GLIS3: variants seen among roughly 807,000 people sequenced by gnomAD.
The protein encoded by GLIS3 is zinc finger protein GLIS3.
In GLIS3, 53 loss-of-function variants were observed where a neutral mutation model predicts 78.6. The observed-to-expected ratio is 0.67, with a 90% CI of 0.54 to 0.85. The LOEUF is 0.85. Ranked by LOEUF, GLIS3 falls within the 40% of genes least tolerant of loss-of-function variation. GLIS3 has a pLI of 0.00. For missense variants in GLIS3, 1,703 were observed against 1,231.1 expected, an observed-to-expected ratio of 1.38 and a Z score of -5.74; for synonymous variants, 684 against 509.9, an observed-to-expected ratio of 1.34 and a Z score of -4.60.
intron 2 of GLIS3, among the ~76,000 whole-genome samples, chr9:4,139,277 G>A (rs545812036): frequency 2.0e-4 from 30 of 152,290 alleles, no homozygotes; most frequent in African/African-American, 6.5e-4. Context: ...CTCACTGTAC[G>A]GAGCAATGAC....
chr9:4,196,476 A>G (rs938995950), intron 2 of GLIS3, among the ~76,000 whole-genome samples: 7 of 152,222 alleles, frequency 4.6e-5, no homozygotes, highest in African/African-American at 9.6e-5. Context: ...TTGGGTCCGC[A>G]CTGCCTTTAT....
chr9:4,322,084 T>G (rs112007794), intron 2 of GLIS3, among the ~76,000 whole-genome samples: 2 of 151,998 alleles, frequency 1.3e-5, no homozygotes, highest in African/African-American at 2.4e-5. Context: ...TGTGTCCAAG[T>G]GTTCTCATTG....
chr9:4,342,224 G>A (rs886651042), intron 2 of GLIS3, among the ~76,000 whole-genome samples: 5 of 152,108 alleles, frequency 3.3e-5, no homozygotes, highest in African/African-American at 1.2e-4. Flanking sequence ...ATAGTTTTGG[G>A]TTTTACATTT....
chr9:4,261,756 G>C (rs182212993), intron 2 of GLIS3, among the ~76,000 whole-genome samples: 6 of 152,158 alleles, frequency 3.9e-5, no homozygotes, highest in Non-Finnish European at 1.5e-5. Context: ...ATTTCAGAGA[G>C]TCTTTAAAGC....
the GLIS3 span, among the ~76,000 whole-genome samples, chr9:4,459,240 T>G: frequency 4.1e-4 from 63 of 152,162 alleles, no homozygotes; most frequent in Non-Finnish European, 7.6e-4. Context: ...TATGTGAAGG[T>G]TGTCAGCATT....
chr9:4,421,487 G>T, the GLIS3 span, among the ~76,000 whole-genome samples: 9 of 152,240 alleles, frequency 5.9e-5, no homozygotes, highest in Admixed American at 2.0e-4. Flanking sequence ...TACAGGTGGT[G>T]TTTGTCTCTC....
chr9:4,195,390 G>A (rs1204788052), intron 2 of GLIS3, among the ~76,000 whole-genome samples: 2 of 152,202 alleles, frequency 1.3e-5, no homozygotes, highest in Non-Finnish European at 2.9e-5. Context: ...CCCACACTCG[G>A]AGAGGCCAGC....
At chr9:3,902,868 G>A (rs1823415611) in intron 6 of GLIS3, among the ~76,000 whole-genome samples, 1 of 152,154 alleles carries the variant, frequency 6.6e-6, no homozygotes, top group Non-Finnish European at 1.5e-5. Context: ...CATCTTCCTT[G>A]ATCAACTGTG....
rs143199196 is a variant in GLIS3, at chr9:3,908,385, T to C, written c.1984-9550A>G. ...ACACCTGCAGGAAGGCTCATGGACA[T>C]AGACTTGTGACAACTCCAAGGCTCG... On this transcript the variant is annotated intron_variant, in intron 6 of 10. Transcript: ENST00000381971. 1.9e-3 allele frequency among the ~76,000 whole-genome samples: 289 copies of C among 152,330 alleles called. 1 individual carries two copies. Among genetic ancestry groups the C allele is most frequent in the African/African-American group, 6.5e-3 (271 of 41,578 alleles).
intron 2 of GLIS3, among the ~76,000 whole-genome samples, chr9:4,270,395 G>A (rs957178061): frequency 1.1e-4 from 16 of 152,176 alleles, no homozygotes; most frequent in African/African-American, 3.9e-4. Context: ...TCCATGGTCA[G>A]CAATCTGAGC....
chr9:4,294,754 T>C (rs1816333572), intron 1 of GLIS3, among the ~76,000 whole-genome samples: 2 of 152,240 alleles, frequency 1.3e-5, no homozygotes, highest in South Asian at 2.1e-4. Context: ...CCCTTACATG[T>C]ACACAGATTG....
At chr9:3,857,255 A>C (rs569452067) in intron 8 of GLIS3, among the ~76,000 whole-genome samples, 1 of 150,396 alleles carries the variant, frequency 6.6e-6, no homozygotes, top group Admixed American at 6.6e-5. Flanking sequence ...TACACTGTGT[A>C]GAAAGACAGG....
intron 9 of GLIS3, chr9:3,855,674 T>G (rs1215824518): frequency 2.7e-6 from 1 of 364,084 alleles, no homozygotes; most frequent in South Asian, 2.2e-5. Flanking sequence ...AGAGGCATGC[T>G]TGGGCACAAG....
intron 2 of GLIS3, among the ~76,000 whole-genome samples, chr9:4,164,995 G>C (rs987903091): frequency 8.5e-5 from 13 of 152,146 alleles, no homozygotes; most frequent in African/African-American, 3.1e-4. Flanking sequence ...ATCATGCTTT[G>C]CTTTGGTACA....
chr9:4,351,680 A>C (rs1195517385), upstream of GLIS3, among the ~76,000 whole-genome samples: 1 of 152,162 alleles, frequency 6.6e-6, no homozygotes, highest in Admixed American at 6.5e-5. Context: ...TTTTTTAAAA[A>C]AATGTTGTTT....
At chr9:4,084,286 CACACACACA>C (rs778139176) in intron 4 of GLIS3, among the ~76,000 whole-genome samples, 3,166 of 139,488 alleles carry the variant, frequency 0.023, 76 homozygotes, top group African/African-American at 0.055. Context: ...CACACACACA[CACACACACA>C]AATTCCTAGC....
intron 2 of GLIS3, among the ~76,000 whole-genome samples, chr9:4,333,630 C>A (rs184594092): frequency 6.6e-6 from 1 of 152,104 alleles, no homozygotes; most frequent in Admixed American, 6.5e-5. Flanking sequence ...CCCAATGTTT[C>A]CCTAACATAC....
chr9:4,354,329 G>C, the GLIS3 span, among the ~76,000 whole-genome samples: 133 of 152,242 alleles, frequency 8.7e-4, no homozygotes, highest in Non-Finnish European at 1.7e-3. Flanking sequence ...TCTTGAAACA[G>C]GACACCTCTC....
At chr9:4,264,789 A>T (rs1825832723) in intron 2 of GLIS3, among the ~76,000 whole-genome samples, 1 of 152,146 alleles carries the variant, frequency 6.6e-6, no homozygotes, top group African/African-American at 2.4e-5. Flanking sequence ...ACTGATTGCT[A>T]CTTTCATTAG....
Sources: gnomAD v4.1 joint callset for allele counts (sites outside exome capture counted in the v4.1 genomes callset) on GRCh38, gnomAD v4.1.1 for gene constraint, MANE v1.5 for transcripts, NCBI Gene and HGNC (gene_info 2026-07-23, HGNC 2026-07-21) for gene names.